OPTC: variants seen among roughly 807,000 people sequenced by gnomAD.
OPTC encodes oculoglycan.
A neutral mutation model predicts 25.4 loss-of-function variants in OPTC; 22 were observed. The ratio of observed to expected loss-of-function variants is 0.87; its 90% CI spans 0.62 to 1.24. The LOEUF is 1.24. Ranked by LOEUF, OPTC falls within the 50% of genes most tolerant of loss-of-function variation. The pLI is 0.00. For missense variants in OPTC, 417 were observed against 425.2 expected, an observed-to-expected ratio of 0.98 and a Z score of 0.17; for synonymous variants, 169 against 179.3, an observed-to-expected ratio of 0.94 and a Z score of 0.46.
intron 5 of OPTC, among the ~76,000 whole-genome samples, chr1:203,501,567 T>C (rs1410375915): frequency 6.6e-6 from 1 of 152,198 alleles, no homozygotes; most frequent in Non-Finnish European, 1.5e-5. Flanking sequence ...TCTCAAGTAG[T>C]AGAATCTTTT....
rs762124196 is a variant in OPTC at position 203,503,681 on chromosome 1, C to T, written c.960C>T (p.Tyr320=). Residue 320 remains tyrosine (Y), a synonymous_variant, in exon 7 of 8, where the codon TAC becomes TAT. Coordinates refer to ENST00000367222, the MANE Select transcript of OPTC (RefSeq NM_014359.4). The part of the protein sequence containing the change: ...PINLSLFPSA[Y]FCLPRLPIGR... ...ACCTCAGCCTCTTCCCCAGCGCCTACTTCTGCCTGCCTCGGCTCCCCATCG... is the reference window on the plus strand; with the variant it reads ...ACCTCAGCCTCTTCCCCAGCGCCTATTTCTGCCTGCCTCGGCTCCCCATCG... 4 of 1,611,940 alleles carry T rather than the reference C, an allele frequency of 2.5e-6. No individual in the cohort carries two copies. Among genetic ancestry groups the T allele is most frequent in the Non-Finnish European group, 3.4e-6 (4 of 1,180,036 alleles).
rs568004358 is a variant in OPTC, at chr1:203,501,232, C to T, written c.732+1381C>T. 2.0e-5 allele frequency among the ~76,000 whole-genome samples: 3 copies of T among 152,282 alleles called. 1 individual carries two copies. Among genetic ancestry groups the T allele is most frequent in the African/African-American group, 7.2e-5 (3 of 41,572 alleles). ...TCTCCTGCCTCGGCCTCCTGAGTAG[C>T]TGGGATTACAGGCATGCACCACCAT... On this transcript the variant is annotated intron_variant, in intron 5 of 7. Coordinates refer to ENST00000367222, the MANE Select transcript of OPTC (RefSeq NM_014359.4).
intron 5 of OPTC, among the ~76,000 whole-genome samples, chr1:203,500,479 C>A (rs1249632953): frequency 6.7e-6 from 1 of 149,958 alleles, no homozygotes; most frequent in Non-Finnish European, 1.5e-5. Context: ...CACCCACCTG[C>A]ACTACCCACC....
Position 203,503,611 on chromosome 1 carries a change from C to T in OPTC, c.890C>T (p.Thr297Ile), listed in dbSNP as rs1661427451. 2 of 1,613,754 alleles carry T rather than the reference C, an allele frequency of 1.2e-6. No individual in the cohort carries two copies. Among genetic ancestry groups the T allele is most frequent in the Non-Finnish European group, 1.7e-6 (2 of 1,180,028 alleles). ...VFCDPEEHKHTRRQLEDIRLD... is the reference protein window; with the variant it reads ...VFCDPEEHKHIRRQLEDIRLD... ...TGTGACCCCGAGGAGCACAAACACA[C>T]CCGCAGGCAGCTGGAAGACATCCGC... is the stretch of plus-strand genomic sequence containing the variant. The change falls in exon 7 of 8, where the codon ACC becomes ATC. Residue 297 changes from threonine to isoleucine, a missense_variant. Coordinates refer to ENST00000367222, the MANE Select transcript of OPTC (RefSeq NM_014359.4).
intron 3 of OPTC, 58 bp downstream of exon 3, chr1:203,497,173 C>A: frequency 6.3e-7 from 1 of 1,598,946 alleles, no homozygotes. Flanking sequence ...GCAGCTATGA[C>A]CCAGCACCAG....
intron 7 of OPTC, among the ~76,000 whole-genome samples, chr1:203,506,492 A>G (rs74431958): frequency 7.0e-6 from 1 of 142,602 alleles, no homozygotes; most frequent in Non-Finnish European, 1.5e-5. Context: ...AAAAAAAAAA[A>G]GGTTTTCCAG....
intron 7 of OPTC, among the ~76,000 whole-genome samples, chr1:203,506,140 A>G (rs1661479957): frequency 7.3e-6 from 1 of 136,336 alleles, no homozygotes; most frequent in Non-Finnish European, 1.6e-5. Context: ...GAGGAATCCA[A>G]TTTTCTTTTT....
chr1:203,503,658 C>T lies in OPTC; in HGVS notation c.937C>T (p.Leu313Phe), dbSNP rs775718351. 1.4e-5 allele frequency: 23 copies of T among 1,613,090 alleles called. No homozygotes were observed. The African/African-American group carries it at 1.7e-4, about 12-fold the overall frequency. The change falls in exon 7 of 8, where the codon CTC becomes TTC. Residue 313 changes from leucine to phenylalanine, a missense_variant. By Grantham distance (22) the Leu-to-Phe change is conservative. Transcript: ENST00000367222. ...DIRLDGNPIN[L>F]SLFPSAYFCL... ...CCGCCTGGATGGCAACCCCATCAACCTCAGCCTCTTCCCCAGCGCCTACTT... is the reference window on the plus strand; with the variant it reads ...CCGCCTGGATGGCAACCCCATCAACTTCAGCCTCTTCCCCAGCGCCTACTT...
In OPTC at chr1:203,503,660, C is replaced by G; in HGVS notation, c.939C>G (p.Leu313=). The change falls in exon 7 of 8, where the codon CTC becomes CTG. Residue 313 remains leucine (L), a synonymous_variant. Coordinates refer to ENST00000367222, the MANE Select transcript of OPTC (RefSeq NM_014359.4). The part of the protein sequence containing the change: ...DIRLDGNPIN[L]SLFPSAYFCL... ...GCCTGGATGGCAACCCCATCAACCTCAGCCTCTTCCCCAGCGCCTACTTCT... is the reference window on the plus strand; with the variant it reads ...GCCTGGATGGCAACCCCATCAACCTGAGCCTCTTCCCCAGCGCCTACTTCT... The G allele has an allele frequency of 6.2e-7, 1 of 1,613,100 alleles. No homozygotes were observed. The highest frequency in any genetic ancestry group is 8.5e-7 in the Non-Finnish European group (1 of 1,180,020).
At chr1:203,502,579 G>A (rs894123927) in intron 5 of OPTC, among the ~76,000 whole-genome samples, 12 of 152,298 alleles carry the variant, frequency 7.9e-5, no homozygotes, top group Admixed American at 6.5e-5. Context: ...TTGAGGCAAA[G>A]CGGAAATGTC....
At position 203,499,803 on chromosome 1, in the gene OPTC, C is replaced by A; in HGVS notation, c.684C>A (p.Val228=). The A allele has an allele frequency of 6.2e-7, 1 of 1,612,684 alleles. No homozygotes were observed. The highest frequency in any genetic ancestry group is 8.5e-7 in the Non-Finnish European group (1 of 1,179,884). ...VLPSGIEFLD[V]RLNRLQSSGI... The stretch of plus-strand genomic sequence containing the variant: ...CCAGTGGCATTGAGTTCCTGGATGT[C>A]CGCCTAAATCGGCTCCAGAGCTCGG... Residue 228 remains valine, a synonymous_variant, in exon 5 of 8, where the codon GTC becomes GTA. Coordinates refer to ENST00000367222, the MANE Select transcript of OPTC (RefSeq NM_014359.4).
chr1:203,498,514 G>T (rs933284591), intron 3 of OPTC, among the ~76,000 whole-genome samples, 167 bp from the exon 4 acceptor site: 1 of 152,162 alleles, frequency 6.6e-6, no homozygotes, highest in African/African-American at 2.4e-5. Context: ...GAGTGACAGG[G>T]GAGCAGACAA....
chr1:203,499,941 T>TCCA (rs1661349795), intron 5 of OPTC, 90 bp downstream of exon 5: 1 of 992,510 alleles, frequency 1.0e-6, no homozygotes, highest in African/African-American at 2.4e-5. Flanking sequence ...ACCACTCACC[T>TCCA]CCACCACCAC....
At chr1:203,499,430 G>A (rs1202565377) in intron 4 of OPTC, among the ~76,000 whole-genome samples, 4 of 152,028 alleles carry the variant, frequency 2.6e-5, no homozygotes, top group African/African-American at 9.7e-5. Context: ...CACTGCACAG[G>A]ACAAAACTCC....
intron 7 of OPTC, among the ~76,000 whole-genome samples, 182 bp from the exon 8 acceptor site, chr1:203,508,464 G>A (rs1350217955): frequency 1.3e-5 from 2 of 152,148 alleles, no homozygotes; most frequent in East Asian, 3.9e-4. Context: ...ACATGCCTGT[G>A]TCTGTGTCCT....
At chr1:203,500,325 C>A (rs1412253315) in intron 5 of OPTC, among the ~76,000 whole-genome samples, 1 of 102,436 alleles carries the variant, frequency 9.8e-6, no homozygotes, top group African/African-American at 4.0e-5. Flanking sequence ...CCACCTCTAC[C>A]ACCCACCTCC....
rs778982290 is a variant in OPTC, at chr1:203,503,603, CA to C, written c.885del (p.Lys295AsnfsTer114). 6.2e-6 allele frequency: 10 copies of C among 1,613,774 alleles called. No homozygotes were observed. The highest frequency in any genetic ancestry group is 7.6e-6 in the Non-Finnish European group (9 of 1,180,030). On this transcript the variant is annotated frameshift_variant, in exon 7 of 8. Transcript: ENST00000367222. LOFTEE classifies it high-confidence loss of function. ...RDVFCDPEEH[K>X]HTRRQLEDIR... ...ACGTCTTCTGTGACCCCGAGGAGCA[CA>C]AACACACCCGCAGGCAGCTGGAAGA...
At chr1:203,504,845 G>A (rs1439639892) in intron 7 of OPTC, among the ~76,000 whole-genome samples, 3 of 152,162 alleles carry the variant, frequency 2.0e-5, no homozygotes, top group Non-Finnish European at 2.9e-5. Context: ...GCTCCTACAT[G>A]TTCGACCACC....
Position 203,499,770 on chromosome 1 carries a change from C to T in OPTC, c.651C>T (p.Pro217=), listed in dbSNP as rs775952554. Residue 217 remains proline, a synonymous_variant, in exon 5 of 8, where the codon CCC becomes CCT. Coordinates refer to ENST00000367222, the MANE Select transcript of OPTC (RefSeq NM_014359.4). The part of the protein sequence containing the change: ...ILPENQLEAL[P]VLPSGIEFLD... ...CAGAGAACCAGTTGGAAGCTCTGCC[C>T]GTGCTGCCCAGTGGCATTGAGTTCC... The T allele has an allele frequency of 1.4e-5, 22 of 1,612,816 alleles. No homozygotes were observed. The highest frequency in any genetic ancestry group is 6.7e-5 in the Admixed American group (4 of 59,980).
Sources: allele counts gnomAD v4.1 joint callset (sites outside exome capture counted in the v4.1 genomes callset), GRCh38; gene constraint gnomAD v4.1.1; transcripts MANE v1.5; gene names NCBI Gene and HGNC (gene_info 2026-07-23, HGNC 2026-07-21).